Variants in INSRR observed in about 807,000 individuals in gnomAD.
INSRR encodes insulin receptor related receptor.
In INSRR, 114 loss-of-function variants were observed where a neutral mutation model predicts 130.0. That is an observed-to-expected ratio of 0.88 (90% CI 0.75 to 1.02). The LOEUF is 1.02. Ranked by LOEUF, INSRR falls within the 50% of genes least tolerant of loss-of-function variation. The probability of loss-of-function intolerance (pLI) is 0.00; values close to 1 mark genes in which losing one functional copy is unlikely to be tolerated. For missense variants in INSRR, 1,657 were observed against 1,735.2 expected (o/e 0.95, Z 0.80); for synonymous variants, 674 against 705.2 (o/e 0.96, Z 0.70).
intron 2 of INSRR, among the ~76,000 whole-genome samples, chr1:156,852,723 G>A (rs1407360059): frequency 6.6e-6 from 1 of 152,248 alleles, no homozygotes; most frequent in Non-Finnish European, 1.5e-5. Flanking sequence ...CAATCGCCTA[G>A]AAACTGCACA....
rs1655106572 is a variant in INSRR, at chr1:156,848,957, C to T, written c.1535G>A (p.Arg512His). Residue 512 changes from arginine (R) to histidine (H), a missense_variant, in exon 7 of 22, where the codon CGC becomes CAC. Physicochemically the swap from Arg to His is conservative, Grantham distance 29. Transcript: ENST00000368195. ...GTACACGATGAAGCTGAGCAGGTCGCGGGCCTCCAGTGGCTCATAGCGCTC... is the reference window on the plus strand; with the variant it reads ...GTACACGATGAAGCTGAGCAGGTCGTGGGCCTCCAGTGGCTCATAGCGCTC... ...RWERYEPLEA[R>H]DLLSFIVYYK... The T allele has an allele frequency of 1.9e-5, 31 of 1,599,418 alleles. No individual in the cohort carries two copies. Among genetic ancestry groups the T allele is most frequent in the Non-Finnish European group, 2.6e-5 (30 of 1,173,480 alleles).
rs1558088387 is a variant in INSRR, at chr1:156,849,063, G to C, written c.1445-16C>G. ...CGAGTCTGGCCTGGGTGGGGCGAGGGGCCTGCTCGCAACCGCGCCTGCCAG... is the reference window on the plus strand; with the variant it reads ...CGAGTCTGGCCTGGGTGGGGCGAGGCGCCTGCTCGCAACCGCGCCTGCCAG... On this transcript the variant is annotated splice_polypyrimidine_tract_variant and intron_variant, in intron 6 of 21. Transcript: ENST00000368195. 3 of 1,609,596 alleles carry C rather than the reference G, an allele frequency of 1.9e-6. No individual in the cohort carries two copies. The highest frequency in any genetic ancestry group is 4.5e-5 in the East Asian group (2 of 44,786).
chr1:156,848,809 G>A, intron 7 of INSRR, 112 bp downstream of exon 7: 1 of 1,338,762 alleles, frequency 7.5e-7, no homozygotes, highest in South Asian at 1.5e-5. Flanking sequence ...GCGGGTCCTG[G>A]CTTCCTGGGT....
At position 156,854,360 on chromosome 1, in the gene INSRR, A is replaced by T. The variant is rs1321494083; in HGVS notation, c.86-57T>A. On this transcript the variant is annotated intron_variant, in intron 1 of 21. Coordinates refer to ENST00000368195, the MANE Select transcript of INSRR (RefSeq NM_014215.3). The surrounding 1 kb of genome is among the most constrained non-coding windows in gnomAD (Gnocchi z 4.2). ...ACAGCCCAGGCCAAATTCCCCATCCAGCCCTGGCAGCTTTGGAGGGGAGCC... is the reference window on the plus strand; with the variant it reads ...ACAGCCCAGGCCAAATTCCCCATCCTGCCCTGGCAGCTTTGGAGGGGAGCC... 1 of 1,496,530 alleles carries T rather than the reference A, an allele frequency of 6.7e-7. No homozygotes were observed. 92.7% of individuals were successfully genotyped at this position (1,496,530 alleles called of 1,614,324 possible).
At position 156,858,510 on chromosome 1, in the gene INSRR, G is replaced by GTCTGGGAGCCAGT. The variant is rs371263465; in HGVS notation, c.85+14_85+26dup. 6.4e-4 allele frequency: 1,011 copies of GTCTGGGAGCCAGT among 1,590,024 alleles called. 7 individuals carry two copies. In the African/African-American group the frequency reaches 9.9e-3, roughly 16 times the overall value. Reference sequence around the variant, plus strand: ...CCAGCTGGCTGGGAGGGAGGTAGGGGTCTGGGAGCCAGTTCTGGGGACTCA... The same window carrying GTCTGGGAGCCAGT: ...CCAGCTGGCTGGGAGGGAGGTAGGGGTCTGGGAGCCAGTTCTGGGAGCCAGTTCTGGGGACTCA... On this transcript the variant is annotated intron_variant, in intron 1 of 21. Coordinates refer to ENST00000368195, the MANE Select transcript of INSRR (RefSeq NM_014215.3).
At position 156,846,534 on chromosome 1, in the gene INSRR, G is replaced by C; in HGVS notation, c.1795C>G (p.Arg599Gly). 1 of 1,613,920 alleles carries C rather than the reference G, an allele frequency of 6.2e-7. No individual in the cohort carries two copies. Among genetic ancestry groups the C allele is most frequent in the Non-Finnish European group, 8.5e-7 (1 of 1,179,846 alleles). The change falls in exon 8 of 22, where the codon CGA (arginine) becomes GGA (glycine). Residue 599 changes from arginine (R) to glycine (G), a missense_variant. Physicochemically the swap from Arg to Gly is moderately radical, Grantham distance 125. Transcript: ENST00000368195. ...AAATGCCTACCTGCAGGCAGCGTTC[G>C]GAGGTAGACGATGGGACTCTGGGCT... ...QGAQSPIVYL[R>G]TLPAAPTVPQ...
chr1:156,844,163 A>T lies in INSRR; in HGVS notation c.2843+12T>A, dbSNP rs779001847. 6.3e-7 allele frequency: 1 copy of T among 1,597,880 alleles called. No individual in the cohort carries two copies. The highest frequency in any genetic ancestry group is 8.6e-7 in the Non-Finnish European group (1 of 1,166,194). On this transcript the variant is annotated intron_variant, in intron 15 of 21. Coordinates refer to ENST00000368195, the MANE Select transcript of INSRR (RefSeq NM_014215.3). ...AGAAAAGGGGGTGGGGACCGGTGGG[A>T]CTTATCATCACCTCTTCTTGCCGTA... is the stretch of plus-strand genomic sequence containing the variant.
In INSRR at chr1:156,843,094, C is replaced by T. The variant is rs1276860670; in HGVS notation, c.3036G>A (p.Leu1012=). Reference sequence around the variant, plus strand: ...GGCTGGCCAGCTCATTCACCGTCTTCAGGGCCACGGGTGTGGACTCCTCTC... The same window carrying T: ...GGCTGGCCAGCTCATTCACCGTCTTTAGGGCCACGGGTGTGGACTCCTCTC... ...EAGEESTPVA[L]KTVNELASPR... Residue 1012 remains leucine, a synonymous_variant, in exon 17 of 22, where the codon CTG becomes CTA. Coordinates refer to ENST00000368195, the MANE Select transcript of INSRR (RefSeq NM_014215.3). 1.2e-6 allele frequency: 2 copies of T among 1,614,082 alleles called. No homozygotes were observed. Among genetic ancestry groups the T allele is most frequent in the South Asian group, 2.2e-5 (2 of 91,080 alleles).
In INSRR at chr1:156,846,048, G is replaced by T. The variant is rs768540599; in HGVS notation, c.1882C>A (p.Pro628Thr). Reference protein sequence around the residue: ...SSHLLVRWKPPTQRNGNLTYY... With the variant: ...SSHLLVRWKPTTQRNGNLTYY... ...GTGAGGTTCCCATTGCGCTGGGTCG[G>T]TGGCTTCCAGCGCACCAGGAGGTGG... The change falls in exon 9 of 22, where the codon CCG becomes ACG. Residue 628 changes from proline (P) to threonine (T), a missense_variant. Physicochemically the swap from Pro to Thr is conservative, Grantham distance 38. Coordinates refer to ENST00000368195, the MANE Select transcript of INSRR (RefSeq NM_014215.3). 5 of 1,613,338 alleles carry T rather than the reference G, an allele frequency of 3.1e-6. No homozygotes were observed. In the Admixed American group the frequency reaches 8.4e-5, roughly 27 times the overall value.
intron 5 of INSRR, among the ~76,000 whole-genome samples, chr1:156,849,727 C>T (rs1263886160): frequency 6.6e-6 from 1 of 152,074 alleles, no homozygotes; most frequent in Non-Finnish European, 1.5e-5. Flanking sequence ...CCATCCTTCC[C>T]TCGACTCTCT....
Position 156,845,374 on chromosome 1 carries a change from T to C in INSRR, c.2214A>G (p.Gln738=). The change falls in exon 11 of 22, where the codon CAA becomes CAG. Residue 738 remains glutamine (Q), a splice_region_variant and synonymous_variant. Coordinates refer to ENST00000368195, the MANE Select transcript of INSRR (RefSeq NM_014215.3). ...GCACCTGCCCTAGTCCTGCTCACCT[T>C]TGGGGGCTCTTGTTGATGGACGTCA... ...WKVTSINKSP[Q]RDSGRHRRAA... The C allele has an allele frequency of 6.3e-7, 1 of 1,577,332 alleles. No individual in the cohort carries two copies. Among genetic ancestry groups the C allele is most frequent in the Non-Finnish European group, 8.6e-7 (1 of 1,160,108 alleles).
intron 5 of INSRR, 53 bp from the exon 6 acceptor site, chr1:156,849,513 G>GGGGGGGGGGA: frequency 2.1e-6 from 1 of 486,122 alleles, no homozygotes; most frequent in East Asian, 5.4e-5. Flanking sequence ...CAGGGGGTGG[G>GGGGGGGGGGA]AAAGGGGATG....
In INSRR at chr1:156,858,730, G is replaced by T; in HGVS notation, c.-109C>A. 1 of 860,668 alleles carries T rather than the reference G, an allele frequency of 1.2e-6. No individual in the cohort carries two copies. The highest frequency in any genetic ancestry group is 2.0e-6 in the Non-Finnish European group (1 of 510,628). 53.3% of individuals were successfully genotyped at this position (860,668 alleles called of 1,614,324 possible). A position where few individuals can be genotyped will look rare whatever the true frequency, so the allele number is the denominator to read the frequency against. On this transcript the variant is annotated 5_prime_UTR_variant, in exon 1 of 22. Coordinates refer to ENST00000368195, the MANE Select transcript of INSRR (RefSeq NM_014215.3). ...AGAGACCAGGGTTCAGATAGGAGAG[G>T]GAGGGCAGGGGCAGAGAGACAAGGA... is the stretch of plus-strand genomic sequence containing the variant.
chr1:156,852,040 C>G lies in INSRR; in HGVS notation c.789G>C (p.Pro263=). The change falls in exon 3 of 22, where the codon CCG becomes CCC. Residue 263 remains proline, a synonymous_variant. Coordinates refer to ENST00000368195, the MANE Select transcript of INSRR (RefSeq NM_014215.3). ...AGGACTCATACTGGTAGGTGCCTGG[C>G]GGGCAGGCCCACAGGCAGGCACCCT... The part of the protein sequence containing the change: ...YFQGACLWAC[P]PGTYQYESWR... The G allele has an allele frequency of 6.2e-7, 1 of 1,613,400 alleles. No individual in the cohort carries two copies. Among genetic ancestry groups the G allele is most frequent in the African/African-American group, 1.3e-5 (1 of 75,052 alleles).
chr1:156,842,133 C>T lies in INSRR; in HGVS notation c.3376G>A (p.Asp1126Asn). Residue 1126 changes from aspartate (D) to asparagine (N), a missense_variant, in exon 19 of 22, where the codon GAC becomes AAC. Asp to Asn is a conservative substitution (Grantham distance 23). Transcript: ENST00000368195. Reference sequence around the variant, plus strand: ...GTACCCCCGATCTTGACGGTGAAGTCCTGGGACACCATGCAGTTGCGGGCT... The same window carrying T: ...GTACCCCCGATCTTGACGGTGAAGTTCTGGGACACCATGCAGTTGCGGGCT... ...LAARNCMVSQ[D>N]FTVKIGDFGM... The T allele has an allele frequency of 6.2e-7, 1 of 1,614,062 alleles. No homozygotes were observed.
At chr1:156,856,157 A>G (rs905556280) in intron 1 of INSRR, among the ~76,000 whole-genome samples, 1 of 152,152 alleles carries the variant, frequency 6.6e-6, no homozygotes, top group African/African-American at 2.4e-5. Flanking sequence ...ATATTAACAT[A>G]GATATTTATT....
intron 5 of INSRR, among the ~76,000 whole-genome samples, chr1:156,850,690 G>A (rs901485773): frequency 6.6e-6 from 1 of 151,450 alleles, no homozygotes. Context: ...AAGTAGCTGG[G>A]ATTAAAGGCA....
chr1:156,841,260 T>G, intron 21 of INSRR, 134 bp downstream of exon 21: 6 of 939,564 alleles, frequency 6.4e-6, no homozygotes, highest in Non-Finnish European at 9.9e-6. Flanking sequence ...GGGTTTGGGA[T>G]AGGGGGGTGG....
At position 156,844,256 on chromosome 1, in the gene INSRR, T is replaced by G. The variant is rs765255663; in HGVS notation, c.2762A>C (p.His921Pro). ...CACAGGGGTGGCAGTGAGGAGGACA[T>G]GCAGCCCCCCAGCATCCTCCTCCTC... ...GPEEEDAGGL[H>P]VLLTATPVGL... The change falls in exon 15 of 22, where the codon CAT becomes CCT. Residue 921 changes from histidine (H) to proline (P), a missense_variant. By Grantham distance (77) the His-to-Pro change is moderately conservative (BLOSUM62 -2). Coordinates refer to ENST00000368195, the MANE Select transcript of INSRR (RefSeq NM_014215.3). The G allele has an allele frequency of 1.9e-6, 3 of 1,613,594 alleles. No individual in the cohort carries two copies. The Admixed American group carries it at 5.0e-5, about 27-fold the overall frequency.
Sources: gnomAD v4.1 joint callset for allele counts (sites outside exome capture counted in the v4.1 genomes callset) on GRCh38, gnomAD v4.1.1 for gene constraint, Gnocchi (gnomAD v3.1) non-coding constraint, MANE v1.5 for transcripts, NCBI Gene and HGNC (gene_info 2026-07-23, HGNC 2026-07-21) for gene names.